The following ABCG5 variants were observed in gnomAD, a reference collection of about 807,000 sequenced individuals.
The protein encoded by ABCG5 is ATP binding cassette subfamily G member 5.
A neutral mutation model predicts 64.5 loss-of-function variants in ABCG5; 64 were observed. The ratio of observed to expected loss-of-function variants is 0.99; its 90% CI spans 0.81 to 1.22. The LOEUF is 1.22. Ranked by LOEUF, ABCG5 falls within the 50% of genes most tolerant of loss-of-function variation. The pLI is 0.00. For synonymous variants in ABCG5, 385 were observed against 326.3 expected (o/e 1.18, Z -1.94); for missense variants, 908 against 829.5 (o/e 1.09, Z -1.16).
intron 11 of ABCG5, among the ~76,000 whole-genome samples, chr2:43,815,006 A>T (rs542857314): frequency 1.5e-4 from 23 of 152,322 alleles, no homozygotes; most frequent in Admixed American, 3.3e-4. Flanking sequence ...CAAGTAGACG[A>T]TTACTGTCTA....
Position 43,838,031 on chromosome 2 carries a change from T to G in ABCG5, c.144-76A>C. On this transcript the variant is annotated intron_variant, in intron 1 of 12. Transcript: ENST00000405322. The surrounding 1 kb of genome is among the most constrained non-coding windows in gnomAD (Gnocchi z 4.2). ...GCCACACCCAGGTCCCCAGCATTGA[T>G]CCTACCTGTGCCCCACCCCAGTAGT... The G allele has an allele frequency of 1.9e-6, 3 of 1,600,134 alleles. No homozygotes were observed. Among genetic ancestry groups the G allele is most frequent in the Non-Finnish European group, 2.6e-6 (3 of 1,170,590 alleles).
downstream of ABCG5, among the ~76,000 whole-genome samples, chr2:43,811,911 A>T (rs1434554268): frequency 6.6e-6 from 1 of 152,030 alleles, no homozygotes; most frequent in East Asian, 1.9e-4. Context: ...ATTTTTAATA[A>T]CCTATTTACA....
chr2:43,810,539 T>C, downstream of ABCG5: 1 of 982,616 alleles, frequency 1.0e-6, no homozygotes, highest in Non-Finnish European at 1.2e-6. Context: ...GTATAATTGC[T>C]ATGATTAAAA....
chr2:43,823,052 G>C (rs1319961772), intron 9 of ABCG5, 117 bp from the exon 10 acceptor site: 1 of 1,420,696 alleles, frequency 7.0e-7, no homozygotes, highest in East Asian at 2.5e-5. Context: ...CAGCTAGGGG[G>C]GTTCCCTAGT....
At chr2:43,818,479 C>G (rs1400877496) in intron 11 of ABCG5, among the ~76,000 whole-genome samples, 2 of 152,110 alleles carry the variant, frequency 1.3e-5, no homozygotes, top group Non-Finnish European at 2.9e-5. Flanking sequence ...ACGGTTTCTA[C>G]AGAACGAGTA....
At position 43,823,910 on chromosome 2, in the gene ABCG5, T is replaced by TGG; in HGVS notation, c.1324+2_1324+3insCC. ...GGTGCACCTCCAGCACGTGGGCACT[T>TGG]ACACAGATTCACAGCGTTCAGCATG... On this transcript the variant is annotated splice_region_variant and intron_variant, in intron 9 of 12. Transcript: ENST00000405322. 2.5e-6 allele frequency: 4 copies of TGG among 1,613,850 alleles called. No individual in the cohort carries two copies. The highest frequency in any genetic ancestry group is 3.4e-6 in the Non-Finnish European group (4 of 1,179,804).
chr2:43,806,281 A>C, the ABCG5 span, among the ~76,000 whole-genome samples: 1 of 152,228 alleles, frequency 6.6e-6, no homozygotes, highest in Non-Finnish European at 1.5e-5. Context: ...AAACTTATAT[A>C]TGCTAAGCAC....
At chr2:43,832,136 A>G in intron 2 of ABCG5, 53 bp from the exon 3 acceptor site, 1 of 1,553,808 alleles carries the variant, frequency 6.4e-7, no homozygotes, top group Non-Finnish European at 8.7e-7. Context: ...CCGGCCTTGG[A>G]GGAGCTTCCC....
At chr2:43,816,206 G>A (rs1313142588) in intron 11 of ABCG5, among the ~76,000 whole-genome samples, 1 of 152,262 alleles carries the variant, frequency 6.6e-6, no homozygotes, top group Non-Finnish European at 1.5e-5. Context: ...AACAAATAAT[G>A]TTTGCAGGCC....
intron 5 of ABCG5, among the ~76,000 whole-genome samples, chr2:43,826,758 G>A (rs1254820081): frequency 6.6e-6 from 1 of 152,354 alleles, no homozygotes; most frequent in South Asian, 2.1e-4. Context: ...GGCACAGGGA[G>A]TAAGGAGATC....
chr2:43,828,792 C>G (rs910329924), intron 4 of ABCG5, among the ~76,000 whole-genome samples: 1 of 151,942 alleles, frequency 6.6e-6, no homozygotes, highest in South Asian at 2.1e-4. Flanking sequence ...ACGGTGAAAC[C>G]CTGTCTGTTC....
chr2:43,831,619 A>C, intron 4 of ABCG5, 150 bp downstream of exon 4: 2 of 763,818 alleles, frequency 2.6e-6, no homozygotes, highest in Non-Finnish European at 4.4e-6. Context: ...GGGGCAGCAC[A>C]GGGTGCACGG....
chr2:43,833,487 A>G (rs1213293594), intron 2 of ABCG5, among the ~76,000 whole-genome samples: 2 of 151,396 alleles, frequency 1.3e-5, no homozygotes, highest in South Asian at 2.1e-4. Flanking sequence ...GGTTCATGCC[A>G]TTATCCTGCC....
At chr2:43,836,228 A>G (rs772897719) in intron 2 of ABCG5, among the ~76,000 whole-genome samples, 30 of 151,970 alleles carry the variant, frequency 2.0e-4, no homozygotes, top group Non-Finnish European at 3.5e-4. Flanking sequence ...AGCATGAGCC[A>G]CCGTGCCCGG....
chr2:43,831,733 TCA>T (rs777269728), intron 4 of ABCG5, 34 bp downstream of exon 4: 20 of 1,542,518 alleles, frequency 1.3e-5, no homozygotes, highest in Non-Finnish European at 1.7e-5. Flanking sequence ...GCAAAGGTAC[TCA>T]GTTTGCCCTC....
rs1057450586 is a variant in ABCG5 at position 43,822,485 on chromosome 2, C to T, written c.1463+312G>A. 6.9e-5 allele frequency: 64 copies of T among 925,858 alleles called. 3 individuals carry two copies. Among genetic ancestry groups the T allele is most frequent in the Non-Finnish European group, 7.6e-5 (59 of 776,918 alleles). 57.4% of individuals were successfully genotyped at this position (925,858 alleles called of 1,614,324 possible). ...CTTTCTCCCCTCCCCCAGGCCCCCCCCCATGCACCTGGGTCCTAGCTACTT... is the reference window on the plus strand; with the variant it reads ...CTTTCTCCCCTCCCCCAGGCCCCCCTCCATGCACCTGGGTCCTAGCTACTT... On this transcript the variant is annotated intron_variant, in intron 10 of 12. Coordinates refer to ENST00000405322, the MANE Select transcript of ABCG5 (RefSeq NM_022436.3).
chr2:43,817,564 A>C (rs1188083955), intron 11 of ABCG5, among the ~76,000 whole-genome samples: 1 of 152,120 alleles, frequency 6.6e-6, no homozygotes, highest in South Asian at 2.1e-4. Flanking sequence ...GCTTCTTATG[A>C]TGGGGTTACT....
At chr2:43,822,404 G>A (rs1269629030) in intron 10 of ABCG5, 2 of 511,156 alleles carry the variant, frequency 3.9e-6, no homozygotes, top group East Asian at 1.5e-4. Flanking sequence ...TCTGTTGGTT[G>A]CTGTCCTCTT....
intron 4 of ABCG5, among the ~76,000 whole-genome samples, chr2:43,831,195 CAG>C (rs1173465798): frequency 6.6e-6 from 1 of 152,158 alleles, no homozygotes. Flanking sequence ...TTGGGAGAGA[CAG>C]AGTCTCTTTT....
Sources: allele counts gnomAD v4.1 joint callset (sites outside exome capture counted in the v4.1 genomes callset), GRCh38; gene constraint gnomAD v4.1.1; non-coding constraint Gnocchi (gnomAD v3.1); transcripts MANE v1.5; gene names NCBI Gene and HGNC (gene_info 2026-07-23, HGNC 2026-07-21).